TBC1D9: variants seen among roughly 807,000 people sequenced by gnomAD.
TBC1D9 encodes the protein TBC1 domain family member 9A.
Under a neutral mutation model 132.0 loss-of-function variants are expected in TBC1D9, and 63 were observed. That is an observed-to-expected ratio of 0.48 (90% CI 0.39 to 0.59). The LOEUF (loss-of-function observed/expected upper bound fraction) is 0.59, where lower values mean the gene tolerates loss of function less well. TBC1D9 is among the 20% of genes least tolerant of loss of function. The pLI, the probability that TBC1D9 is intolerant of heterozygous loss-of-function variation, is 0.00. For missense variants in TBC1D9, 1,261 were observed against 1,592.7 expected (o/e 0.79, Z 3.54); for synonymous variants, 610 against 609.9 (o/e 1.00, Z 0.00).
intron 13 of TBC1D9, chr4:140,642,086 A>AG: frequency 2.8e-6 from 2 of 711,340 alleles, no homozygotes; most frequent in Non-Finnish European, 2.6e-6. Flanking sequence ...GGGGCGGAGG[A>AG]GGGGGTGTGT....
At chr4:140,627,597 T>C (rs1244832919) in intron 17 of TBC1D9, 70 bp from the exon 18 acceptor site, 5 of 1,005,700 alleles carry the variant, frequency 5.0e-6, no homozygotes, top group African/African-American at 1.6e-5. Flanking sequence ...GCTTAATTAT[T>C]AAATAAAATG....
In TBC1D9 at chr4:140,685,655, A is replaced by C. The variant is rs1255576795; in HGVS notation, c.360+689T>G. Among the ~76,000 whole-genome samples, 7 of 152,214 alleles carry C rather than the reference A, an allele frequency of 4.6e-5. 1 individual carries two copies. In the East Asian group the frequency reaches 1.3e-3, roughly 29 times the overall value. On this transcript the variant is annotated intron_variant, in intron 3 of 20. Transcript: ENST00000442267. ...CGGCCAGTTAATGAAATTAATTAGAATATGTGTCAAATATTCTGGTATTAA... is the reference window on the plus strand; with the variant it reads ...CGGCCAGTTAATGAAATTAATTAGACTATGTGTCAAATATTCTGGTATTAA...
intron 1 of TBC1D9, among the ~76,000 whole-genome samples, chr4:140,731,668 TAC>T (rs56768107): frequency 7.1e-4 from 105 of 147,024 alleles, no homozygotes; most frequent in Middle Eastern, 3.5e-3. Context: ...TTAAAACACA[TAC>T]ACACACACAC....
intron 1 of TBC1D9, among the ~76,000 whole-genome samples, chr4:140,729,983 G>C (rs1425588540): frequency 1.3e-5 from 2 of 152,026 alleles, no homozygotes; most frequent in Non-Finnish European, 2.9e-5. Flanking sequence ...ATTTTGTTGT[G>C]GCTTCTGCAG....
intron 1 of TBC1D9, among the ~76,000 whole-genome samples, chr4:140,736,534 T>C (rs1738676533): frequency 6.6e-6 from 1 of 151,950 alleles, no homozygotes; most frequent in African/African-American, 2.4e-5. Context: ...AGTGAGACTG[T>C]ATCTCAAAAA....
intron 10 of TBC1D9, among the ~76,000 whole-genome samples, chr4:140,659,983 C>T (rs1213685469): frequency 4.6e-5 from 7 of 152,156 alleles, no homozygotes; most frequent in Non-Finnish European, 5.9e-5. Context: ...GACAGAGCCC[C>T]GAACTCATGC....
chr4:140,629,165 G>GA (rs1019566274), intron 16 of TBC1D9, among the ~76,000 whole-genome samples: 1 of 152,186 alleles, frequency 6.6e-6, no homozygotes, highest in African/African-American at 2.4e-5. Flanking sequence ...AGCATCTGCT[G>GA]AAACATTCTC....
rs1458638122 is a variant in TBC1D9, at chr4:140,756,072, C to T, written c.-27G>A. On this transcript the variant is annotated 5_prime_UTR_variant, in exon 1 of 21. The change creates a new upstream start codon in the 5' untranslated region. Coordinates refer to ENST00000442267, the MANE Select transcript of TBC1D9 (RefSeq NM_015130.3). This position sits in a 1 kb window ranked among gnomAD's most constrained non-coding sequence, Gnocchi z 5.6. ...GTCCTGGCTGCCGCGGGCGGGCGCA[C>T]AATGGGCCCGTGGGTCCAGTCCTGC... 6.3e-7 allele frequency: 1 copy of T among 1,598,190 alleles called. No individual in the cohort carries two copies. The highest frequency in any genetic ancestry group is 8.5e-7 in the Non-Finnish European group (1 of 1,172,344).
In TBC1D9 at chr4:140,629,303, G is replaced by A. The variant is rs141682726; in HGVS notation, c.2747-938C>T. Reference sequence around the variant, plus strand: ...CTGTAGTCTCAACTTTATGAAGTCCGTGAACCCCTCAAAATGCAAAATTTT... The same window carrying A: ...CTGTAGTCTCAACTTTATGAAGTCCATGAACCCCTCAAAATGCAAAATTTT... On this transcript the variant is annotated intron_variant, in intron 16 of 20. Transcript: ENST00000442267. Among the ~76,000 whole-genome samples, 635 of 152,228 alleles carry A rather than the reference G, an allele frequency of 4.2e-3. 3 individuals carry two copies. Among genetic ancestry groups the A allele is most frequent in the African/African-American group, 0.015 (616 of 41,538 alleles).
At chr4:140,629,424 C>T (rs897071221) in intron 16 of TBC1D9, among the ~76,000 whole-genome samples, 45 of 152,276 alleles carry the variant, frequency 3.0e-4, no homozygotes, top group African/African-American at 9.4e-4. Context: ...AGAACTACTC[C>T]TCTTTCTCTT....
chr4:140,720,989 C>T (rs1039836324), intron 1 of TBC1D9, among the ~76,000 whole-genome samples: 3 of 152,144 alleles, frequency 2.0e-5, no homozygotes, highest in East Asian at 1.9e-4. Context: ...GCTCTTTCAC[C>T]GAGGTCAGAG....
intron 1 of TBC1D9, among the ~76,000 whole-genome samples, chr4:140,746,397 A>C (rs1738836277): frequency 1.3e-5 from 2 of 151,962 alleles, no homozygotes; most frequent in South Asian, 4.2e-4. Context: ...GAGTGCTTTC[A>C]TTTTTCTCAA....
intron 7 of TBC1D9, 126 bp from the exon 8 acceptor site, chr4:140,669,930 AGAAACAC>A: frequency 1.1e-6 from 1 of 943,796 alleles, no homozygotes; most frequent in South Asian, 2.0e-5. Flanking sequence ...TGCTATGTGA[AGAAACAC>A]GAGAAAAGCA....
intron 1 of TBC1D9, among the ~76,000 whole-genome samples, chr4:140,711,827 A>T (rs1232708208): frequency 6.6e-6 from 1 of 152,242 alleles, no homozygotes; most frequent in African/African-American, 2.4e-5. Flanking sequence ...AACCTATATT[A>T]CAAATTACAA....
chr4:140,655,811 G>A (rs746899174), intron 13 of TBC1D9, among the ~76,000 whole-genome samples: 1 of 152,094 alleles, frequency 6.6e-6, no homozygotes, highest in Non-Finnish European at 1.5e-5. Flanking sequence ...GGTCTACTCT[G>A]GGCTATACAG....
chr4:140,701,590 A>G lies in TBC1D9; in HGVS notation c.155T>C (p.Val52Ala), dbSNP rs1372153085. 1.2e-6 allele frequency: 2 copies of G among 1,613,960 alleles called. No homozygotes were observed. Among genetic ancestry groups the G allele is most frequent in the South Asian group, 1.1e-5 (1 of 91,082 alleles). Reference protein sequence around the residue: ...LAGLLVGTLDVVLDSSARVAP... With the variant: ...LAGLLVGTLDAVLDSSARVAP... ...GACCCGGGCGCTGGAGTCCAACACA[A>G]CATCAAGGGTACCCACCAGCAGGCC... Residue 52 changes from valine to alanine, a missense_variant, in exon 2 of 21, where the codon GTT (valine) becomes GCT (alanine). Val to Ala is a moderately conservative substitution (Grantham distance 64). Around this residue, in one of 3 missense-constraint regions of TBC1D9, gnomAD observed 550 missense variants for 699.0 expected, o/e 0.79. Coordinates refer to ENST00000442267, the MANE Select transcript of TBC1D9 (RefSeq NM_015130.3).
rs1383623169 is a variant in TBC1D9 at position 140,670,865 on chromosome 4, G to C, written c.1121C>G (p.Thr374Ser). 2 of 1,613,886 alleles carry C rather than the reference G, an allele frequency of 1.2e-6. No individual in the cohort carries two copies. Among genetic ancestry groups the C allele is most frequent in the African/African-American group, 2.7e-5 (2 of 74,930 alleles). The change falls in exon 7 of 21, where the codon ACC (threonine) becomes AGC (serine). Residue 374 changes from threonine (T) to serine (S), a missense_variant. Around this residue, in one of 3 missense-constraint regions of TBC1D9, gnomAD observed 550 missense variants for 699.0 expected, o/e 0.79. Transcript: ENST00000442267. The part of the protein sequence containing the change: ...SVLPSPLSIS[T>S]RNRMTFLFAN... The stretch of plus-strand genomic sequence containing the variant: ...AAATAGGAAGGTCATCCTGTTTCGG[G>C]TGCTGATGGATAAGGGACTGGGGAG...
chr4:140,699,117 A>G (rs1578846202), intron 2 of TBC1D9, among the ~76,000 whole-genome samples: 1 of 152,362 alleles, frequency 6.6e-6, no homozygotes, highest in African/African-American at 2.4e-5. Context: ...CCCAATGGCC[A>G]AAGCTGGAAC....
rs111283721 is a variant in TBC1D9 at position 140,731,376 on chromosome 4, T to C, written c.130+24540A>G. On this transcript the variant is annotated intron_variant, in intron 1 of 20. Coordinates refer to ENST00000442267, the MANE Select transcript of TBC1D9 (RefSeq NM_015130.3). ...GAGTCTCACTGCCCAAATCCAGAAATTGTCTCCTGACTACCCATTAAAGAA... is the reference window on the plus strand; with the variant it reads ...GAGTCTCACTGCCCAAATCCAGAAACTGTCTCCTGACTACCCATTAAAGAA... 3.2e-3 allele frequency among the ~76,000 whole-genome samples: 480 copies of C among 152,106 alleles called. 4 individuals carry two copies. The highest frequency in any genetic ancestry group is 0.01 in the African/African-American group (428 of 41,502).
Sources: allele counts gnomAD v4.1 joint callset (sites outside exome capture counted in the v4.1 genomes callset), GRCh38; gene constraint gnomAD v4.1.1; regional missense constraint gnomAD v4.1.1; non-coding constraint Gnocchi (gnomAD v3.1); transcripts MANE v1.5; gene names NCBI Gene and HGNC (gene_info 2026-07-23, HGNC 2026-07-21).